The following PDE12 variants were observed in gnomAD, a reference collection of about 807,000 sequenced individuals.
PDE12 encodes the protein phosphodiesterase 12.
Under a neutral mutation model 45.4 loss-of-function variants are expected in PDE12, and 26 were observed. That is an observed-to-expected ratio of 0.57 (90% CI 0.42 to 0.79). PDE12 has a LOEUF of 0.79. Among genes scored for constraint, PDE12 ranks in the 30% least tolerant of loss-of-function variants. PDE12 has a pLI of 0.00. For synonymous variants in PDE12, 283 were observed against 323.9 expected (o/e 0.87, Z 1.36); for missense variants, 668 against 790.0 (o/e 0.85, Z 1.85).
At chr3:57,572,418 C>A in the PDE12 span, 1 of 718,358 alleles carries the variant, frequency 1.4e-6, no homozygotes. Flanking sequence ...CAAAACTCTC[C>A]CATATTTAAA....
At chr3:57,621,815 T>C in the PDE12 span, among the ~76,000 whole-genome samples, 2 of 146,398 alleles carry the variant, frequency 1.4e-5, no homozygotes, top group African/African-American at 5.0e-5. Context: ...AAAAAAAAAG[T>C]CATAAACTAG....
chr3:57,596,709 G>A, the PDE12 span: 25 of 241,466 alleles, frequency 1.0e-4, no homozygotes, highest in Middle Eastern at 1.6e-3. Context: ...CCACACCCGG[G>A]CAAGAAGGTA....
At chr3:57,618,627 T>TTTTTTTTTTTTTG in the PDE12 span, among the ~76,000 whole-genome samples, 1 of 136,844 alleles carries the variant, frequency 7.3e-6, no homozygotes. Context: ...TTTTTTTTTT[T>TTTTTTTTTTTTTG]GAGATGGAGT....
the PDE12 span, among the ~76,000 whole-genome samples, chr3:57,629,573 G>A: frequency 9.7e-5 from 14 of 144,108 alleles, no homozygotes; most frequent in Admixed American, 6.4e-4. Flanking sequence ...GCACAGTGGC[G>A]CGATCTCAGC....
At chr3:57,613,710 C>G in the PDE12 span, among the ~76,000 whole-genome samples, 1 of 151,486 alleles carries the variant, frequency 6.6e-6, no homozygotes, top group East Asian at 2.0e-4. Flanking sequence ...ACCATCCTGG[C>G]TAACACGGTG....
At chr3:57,571,322 A>G (rs1361957294), downstream of PDE12, 1 of 152,462 alleles carries the variant, frequency 6.6e-6, no homozygotes, top group Non-Finnish European at 1.5e-5. Flanking sequence ...ATAAGAAAAT[A>G]CATTTCAAAT....
At chr3:57,599,733 G>T in the PDE12 span, among the ~76,000 whole-genome samples, 2 of 151,946 alleles carry the variant, frequency 1.3e-5, no homozygotes, top group Non-Finnish European at 2.9e-5. Flanking sequence ...TATCTCTATT[G>T]TACAGATAAA....
Position 57,557,236 on chromosome 3 carries a change from C to G in PDE12, c.857C>G (p.Thr286Arg), listed in dbSNP as rs2069673842. The G allele has an allele frequency of 6.2e-7, 1 of 1,613,884 alleles. No homozygotes were observed. The highest frequency in any genetic ancestry group is 8.5e-7 in the Non-Finnish European group (1 of 1,180,026). ...TCTFDHRHLY[T>R]KKVTEDALIR... ...ACTTTTGACCACCGGCATCTCTACACGAAGAAGGTGACTGAGGACGCTCTC... is the reference window on the plus strand; with the variant it reads ...ACTTTTGACCACCGGCATCTCTACAGGAAGAAGGTGACTGAGGACGCTCTC... Residue 286 changes from threonine to arginine, a missense_variant, in exon 1 of 3, where the codon ACG becomes AGG. Physicochemically the swap from Thr to Arg is moderately conservative, Grantham distance 71. Around this residue, in one of 3 missense-constraint regions of PDE12, gnomAD observed 580 missense variants for 662.9 expected, o/e 0.87. Transcript: ENST00000311180.
At chr3:57,628,837 G>A in the PDE12 span, 1 of 1,612,730 alleles carries the variant, frequency 6.2e-7, no homozygotes, top group Non-Finnish European at 8.5e-7. Context: ...TTCAAGACAA[G>A]GTCTACTGTT....
At chr3:57,611,952 C>T in the PDE12 span, among the ~76,000 whole-genome samples, 102 of 152,088 alleles carry the variant, frequency 6.7e-4, no homozygotes, top group Non-Finnish European at 1.3e-3. Flanking sequence ...GTATGTTTAT[C>T]GCGGCACTAT....
chr3:57,584,011 C>G, the PDE12 span: 1 of 1,577,312 alleles, frequency 6.3e-7, no homozygotes. Flanking sequence ...TTAAAACCTA[C>G]AAAGAAAAAC....
the PDE12 span, chr3:57,597,903 C>T: frequency 2.0e-5 from 3 of 152,212 alleles, no homozygotes; most frequent in African/African-American, 7.2e-5. Flanking sequence ...TGGTTAAAAG[C>T]TGACTTGTGG....
chr3:57,575,152 C>G, the PDE12 span, among the ~76,000 whole-genome samples: 1 of 152,110 alleles, frequency 6.6e-6, no homozygotes, highest in Admixed American at 6.6e-5. Flanking sequence ...ACCCAGCCCC[C>G]CATCTCCACT....
chr3:57,600,216 G>A, the PDE12 span: 1 of 151,964 alleles, frequency 6.6e-6, no homozygotes, highest in Admixed American at 6.6e-5. Context: ...GTAGAGACAG[G>A]GTTTTGCTAT....
At chr3:57,615,847 A>C in the PDE12 span, among the ~76,000 whole-genome samples, 1 of 152,126 alleles carries the variant, frequency 6.6e-6, no homozygotes, top group Non-Finnish European at 1.5e-5. Flanking sequence ...AATAAATATA[A>C]CCAAAACGTG....
the PDE12 span, among the ~76,000 whole-genome samples, chr3:57,613,302 T>C: frequency 6.7e-6 from 1 of 148,180 alleles, no homozygotes; most frequent in Non-Finnish European, 1.5e-5. Context: ...AACAACTTTT[T>C]TTTTTTTTTT....
chr3:57,635,283 AGTGGTGAT>A, the PDE12 span, among the ~76,000 whole-genome samples: 1 of 152,136 alleles, frequency 6.6e-6, no homozygotes, highest in African/African-American at 2.4e-5. Context: ...ACTGCCAGCA[AGTGGTGAT>A]GGTGTGTGCA....
chr3:57,610,899 T>C, the PDE12 span, among the ~76,000 whole-genome samples: 1 of 152,166 alleles, frequency 6.6e-6, no homozygotes, highest in Non-Finnish European at 1.5e-5. Flanking sequence ...AAAGTTCATA[T>C]GGAACCCAAA....
chr3:57,645,660 C>A, the PDE12 span: 1 of 1,603,146 alleles, frequency 6.2e-7, no homozygotes, highest in Non-Finnish European at 8.5e-7. Flanking sequence ...TTTTTACTTA[C>A]GGAGCTTGGG....
Sources: gnomAD v4.1 joint callset for allele counts (sites outside exome capture counted in the v4.1 genomes callset) on GRCh38, gnomAD v4.1.1 for gene constraint, gnomAD v4.1.1 regional missense constraint, MANE v1.5 for transcripts, NCBI Gene and HGNC (gene_info 2026-07-23, HGNC 2026-07-21) for gene names.